The following HESX1 variants were observed in gnomAD, a reference collection of about 807,000 sequenced individuals.
The protein encoded by HESX1 is HESX homeobox 1, also known as homeobox expressed in ES cells 1.
Under a neutral mutation model 22.5 loss-of-function variants are expected in HESX1, and 11 were observed. That is an observed-to-expected ratio of 0.49 (90% CI 0.31 to 0.81). The LOEUF is 0.81. Among genes scored for constraint, HESX1 ranks in the 30% least tolerant of loss-of-function variants. The pLI, the probability that HESX1 is intolerant of heterozygous loss-of-function variation, is 0.05. For missense variants in HESX1, 201 were observed against 212.6 expected, an observed-to-expected ratio of 0.95 and a Z score of 0.34; for synonymous variants, 74 against 76.5, an observed-to-expected ratio of 0.97 and a Z score of 0.17.
chr3:57,214,621 G>A (rs1031842368), intron 1 of HESX1, among the ~76,000 whole-genome samples: 9 of 152,258 alleles, frequency 5.9e-5, no homozygotes, highest in Middle Eastern at 3.4e-3. Flanking sequence ...CAAAGCTCTT[G>A]GAATAGAGCC....
chr3:57,213,870 G>A (rs917382580), intron 1 of HESX1, among the ~76,000 whole-genome samples: 4 of 152,114 alleles, frequency 2.6e-5, no homozygotes, highest in East Asian at 1.9e-4. Context: ...GCAGTGAGCC[G>A]AGATCGTGCC....
At chr3:57,217,531 AT>A (rs1484793097) in intron 1 of HESX1, among the ~76,000 whole-genome samples, 22 of 151,978 alleles carry the variant, frequency 1.4e-4, no homozygotes, top group Admixed American at 1.4e-3. Flanking sequence ...TTGAGGACCA[AT>A]CCCCTGTGCT....
chr3:57,198,157 T>G lies in HESX1; in HGVS notation c.*40A>C, dbSNP rs1334819879. The G allele has an allele frequency of 8.4e-7, 1 of 1,188,244 alleles. No individual in the cohort carries two copies. Among genetic ancestry groups the G allele is most frequent in the Admixed American group, 1.7e-5 (1 of 58,918 alleles). The allele number at this position is 1,188,244 out of a possible 1,614,324, so 73.6% of individuals were successfully genotyped here. ...TAATATTTCCACTGATTCTTCATGC[T>G]CTGCAATTAGAAGATAATTTCACTT... On this transcript the variant is annotated 3_prime_UTR_variant, in exon 4 of 4. Coordinates refer to ENST00000295934, the MANE Select transcript of HESX1 (RefSeq NM_003865.3).
intron 1 of HESX1, among the ~76,000 whole-genome samples, chr3:57,209,548 A>G (rs2060540466): frequency 6.6e-6 from 1 of 151,944 alleles, no homozygotes; most frequent in Non-Finnish European, 1.5e-5. Flanking sequence ...GAGGCAGCAG[A>G]ATTGCTTGAA....
chr3:57,198,217 T>C lies in HESX1; in HGVS notation c.538A>G (p.Asn180Asp), dbSNP rs778275550. 1.9e-6 allele frequency: 3 copies of C among 1,610,688 alleles called. No individual in the cohort carries two copies. The South Asian group carries it at 3.3e-5, about 18-fold the overall frequency. Residue 180 changes from asparagine to aspartate, a missense_variant, in exon 4 of 4, where the codon AAC (asparagine) becomes GAC (aspartate). Physicochemically the swap from Asn to Asp is conservative, Grantham distance 23. Transcript: ENST00000295934. The stretch of plus-strand genomic sequence containing the variant: ...TCTATCTATTCCAGCAGATTTGTGT[T>C]GAAATTTTTTTTCGCCATTAGAAAC... Reference protein sequence around the residue: ...SQFLMAKKNFNTNLLE With the variant: ...SQFLMAKKNFDTNLLE
intron 1 of HESX1, among the ~76,000 whole-genome samples, chr3:57,222,384 G>A (rs950624053): frequency 7.3e-5 from 11 of 151,486 alleles, no homozygotes; most frequent in African/African-American, 2.4e-5. Flanking sequence ...TCAGCCTCCC[G>A]AGTAACTGGG....
chr3:57,201,401 C>G (rs745600295), upstream of HESX1, among the ~76,000 whole-genome samples: 1 of 151,836 alleles, frequency 6.6e-6, no homozygotes, highest in African/African-American at 2.4e-5. Context: ...TAATCTGGGA[C>G]GACTAGGAGG....
chr3:57,206,706 G>A (rs948178573), intron 1 of HESX1, among the ~76,000 whole-genome samples: 6 of 152,172 alleles, frequency 3.9e-5, no homozygotes, highest in Non-Finnish European at 7.4e-5. Flanking sequence ...AGCAGTAGGT[G>A]GGGCTGAAGA....
At chr3:57,211,672 A>G (rs1212716194) in intron 1 of HESX1, among the ~76,000 whole-genome samples, 1 of 151,898 alleles carries the variant, frequency 6.6e-6, no homozygotes, top group Non-Finnish European at 1.5e-5. Context: ...GTCCCTACTA[A>G]AAATACAAAA....
intron 1 of HESX1, among the ~76,000 whole-genome samples, chr3:57,225,881 C>CT (rs540522007): frequency 0.31 from 41,394 of 132,098 alleles, 7,131 homozygotes; most frequent in Middle Eastern, 0.44. Context: ...CTTTTCTTTT[C>CT]TTTTTTTTTT....
chr3:57,217,284 A>G (rs1425231251), intron 1 of HESX1, among the ~76,000 whole-genome samples: 1 of 152,190 alleles, frequency 6.6e-6, no homozygotes, highest in Non-Finnish European at 1.5e-5. Flanking sequence ...GTTTACATCT[A>G]CATTTATTTC....
Position 57,198,287 on chromosome 3 carries a change from A to G in HESX1, c.468T>C (p.Phe156=), listed in dbSNP as rs2060460470. The G allele has an allele frequency of 6.2e-7, 1 of 1,612,134 alleles. No individual in the cohort carries two copies. Among genetic ancestry groups the G allele is most frequent in the Admixed American group, 1.7e-5 (1 of 59,982 alleles). ...TTTTCAGTTTTGCACGCCGATTTTG[A>G]AACCAAATCTAAAGTTAAGGAAAAA... The part of the protein sequence containing the change: ...NLEEDRIQIW[F]QNRRAKLKRS... The change falls in exon 4 of 4, where the codon TTT becomes TTC. Residue 156 remains phenylalanine, a synonymous_variant. Coordinates refer to ENST00000295934, the MANE Select transcript of HESX1 (RefSeq NM_003865.3).
At chr3:57,227,347 G>C (rs2060652926), upstream of HESX1, among the ~76,000 whole-genome samples, 1 of 152,232 alleles carries the variant, frequency 6.6e-6, no homozygotes, top group Admixed American at 6.5e-5. Flanking sequence ...GCTTCGAGCG[G>C]AGTTGGGAAT....
At chr3:57,210,312 A>T (rs920592064) in intron 1 of HESX1, among the ~76,000 whole-genome samples, 1 of 152,208 alleles carries the variant, frequency 6.6e-6, no homozygotes, top group Admixed American at 6.5e-5. Flanking sequence ...GGAACATGTA[A>T]ATCTATTCAT....
upstream of HESX1, among the ~76,000 whole-genome samples, chr3:57,201,442 T>G (rs2060485619): frequency 6.6e-6 from 1 of 152,126 alleles, no homozygotes; most frequent in Admixed American, 6.6e-5. Context: ...TTTTCAGCTT[T>G]CTTTCTCTCC....
In HESX1 at chr3:57,223,175, A is replaced by T. The variant is rs367659873; in HGVS notation, c.-111+3121T>A. Among the ~76,000 whole-genome samples the T allele has an allele frequency of 2.0e-4, 30 of 152,328 alleles. No homozygotes were observed. In the South Asian group the frequency reaches 4.3e-3, roughly 22 times the overall value. On this transcript the variant is annotated intron_variant, in intron 1 of 2. Transcript: ENST00000495160. The stretch of plus-strand genomic sequence containing the variant: ...GAAGTTAAATAACCTTACTTAAGTC[A>T]CAGAGCTACTAAACAGTGGAGCCAG...
intron 1 of HESX1, among the ~76,000 whole-genome samples, chr3:57,219,296 G>A (rs2107583700): frequency 6.6e-6 from 1 of 152,060 alleles, no homozygotes; most frequent in East Asian, 1.9e-4. Context: ...AATGATATTG[G>A]GTTATTTTTC....
At chr3:57,209,653 A>G (rs1442841087) in intron 1 of HESX1, among the ~76,000 whole-genome samples, 1 of 146,474 alleles carries the variant, frequency 6.8e-6, no homozygotes, top group African/African-American at 2.5e-5. Flanking sequence ...ACTTCATCTC[A>G]AGAGTAAAGC....
chr3:57,198,442 A>T lies in HESX1; in HGVS notation c.408T>A (p.Asp136Glu). The change falls in exon 3 of 4, where the codon GAT becomes GAA. Residue 136 changes from aspartate (D) to glutamate (E), a missense_variant. By Grantham distance (45) the Asp-to-Glu change is conservative (BLOSUM62 2). Transcript: ENST00000295934. ...VFRVNCYPGI[D>E]IREDLAQKLN... Reference sequence around the variant, plus strand: ...ATTTTTGAGCTAAGTCTTCTCTAATATCGATACCAGGATAGCAGTTTACTC... The same window carrying T: ...ATTTTTGAGCTAAGTCTTCTCTAATTTCGATACCAGGATAGCAGTTTACTC... 1 of 1,608,070 alleles carries T rather than the reference A, an allele frequency of 6.2e-7. No homozygotes were observed.
Sources: gnomAD v4.1 joint callset for allele counts (sites outside exome capture counted in the v4.1 genomes callset) on GRCh38, gnomAD v4.1.1 for gene constraint, MANE v1.5 for transcripts, NCBI Gene and HGNC (gene_info 2026-07-23, HGNC 2026-07-21) for gene names.